Variants in RPS6KC1 observed in about 807,000 individuals in gnomAD.
RPS6KC1 encodes the protein inactive ribosomal protein S6 kinase delta-1.
Under a neutral mutation model 103.8 loss-of-function variants are expected in RPS6KC1, and 54 were observed. The ratio of observed to expected loss-of-function variants is 0.52; its 90% confidence interval spans 0.42 to 0.65. The LOEUF is 0.65. RPS6KC1 is among the 30% of genes least tolerant of loss of function. The probability of loss-of-function intolerance (pLI) is 0.00; values close to 1 mark genes in which losing one functional copy is unlikely to be tolerated. For synonymous variants in RPS6KC1, 439 were observed against 438.7 expected, an observed-to-expected ratio of 1.00 and a Z score of -0.01; for missense variants, 1,151 against 1,253.8, an observed-to-expected ratio of 0.92 and a Z score of 1.24.
the RPS6KC1 span, among the ~76,000 whole-genome samples, chr1:213,726,032 T>G: frequency 2.0e-5 from 3 of 152,220 alleles, no homozygotes; most frequent in South Asian, 2.1e-4. Flanking sequence ...TTCTACTCCA[T>G]TGACACAAAC....
the RPS6KC1 span, among the ~76,000 whole-genome samples, chr1:213,653,911 G>A: frequency 6.6e-6 from 1 of 152,214 alleles, no homozygotes; most frequent in Non-Finnish European, 1.5e-5. Context: ...GGGAAGTAAA[G>A]TTCAAAGGAT....
At chr1:213,599,468 G>A in the RPS6KC1 span, among the ~76,000 whole-genome samples, 3 of 150,750 alleles carry the variant, frequency 2.0e-5, no homozygotes, top group Admixed American at 6.6e-5. Flanking sequence ...CTGGTAGAAC[G>A]AGGGGGGGAA....
the RPS6KC1 span, among the ~76,000 whole-genome samples, chr1:213,602,973 G>A: frequency 6.6e-6 from 1 of 152,284 alleles, no homozygotes; most frequent in East Asian, 1.9e-4. Context: ...TGTGGTTTGT[G>A]GAGTCTGAGA....
the RPS6KC1 span, among the ~76,000 whole-genome samples, chr1:213,596,703 A>G: frequency 6.6e-6 from 1 of 152,228 alleles, no homozygotes; most frequent in Admixed American, 6.5e-5. Context: ...CTTTTGAAGA[A>G]TCCTAATACT....
the RPS6KC1 span, among the ~76,000 whole-genome samples, chr1:213,848,926 GA>G: frequency 6.6e-6 from 1 of 152,054 alleles, no homozygotes; most frequent in African/African-American, 2.4e-5. Flanking sequence ...AAGAGTGAGA[GA>G]AAAGGGAAAG....
chr1:213,364,623 G>A, the RPS6KC1 span, among the ~76,000 whole-genome samples: 1 of 152,060 alleles, frequency 6.6e-6, no homozygotes, highest in African/African-American at 2.4e-5. Context: ...GGGGTGCCCA[G>A]CTAGAAAAGA....
chr1:213,296,060 C>A, the RPS6KC1 span, among the ~76,000 whole-genome samples: 1 of 152,168 alleles, frequency 6.6e-6, no homozygotes, highest in Non-Finnish European at 1.5e-5. Flanking sequence ...TATTTGGAAT[C>A]TTTGAATCAT....
chr1:213,533,563 G>A, the RPS6KC1 span, among the ~76,000 whole-genome samples: 2 of 152,178 alleles, frequency 1.3e-5, no homozygotes, highest in African/African-American at 4.8e-5. Context: ...AGAACACACA[G>A]AACTCTCCCA....
At chr1:213,755,297 C>T in the RPS6KC1 span, among the ~76,000 whole-genome samples, 2 of 152,208 alleles carry the variant, frequency 1.3e-5, no homozygotes. Flanking sequence ...CAACTGAAGG[C>T]TCCATGTCTC....
the RPS6KC1 span, among the ~76,000 whole-genome samples, chr1:213,288,092 G>A: frequency 6.6e-6 from 1 of 152,184 alleles, no homozygotes; most frequent in Non-Finnish European, 1.5e-5. Context: ...GATCCTAATG[G>A]TTGGTGACAT....
intron 8 of RPS6KC1, among the ~76,000 whole-genome samples, chr1:213,210,460 A>G (rs2148664309): frequency 6.6e-6 from 1 of 152,318 alleles, no homozygotes; most frequent in Non-Finnish European, 1.5e-5. Context: ...ACAAACTGAA[A>G]ACCGTCCAAA....
At chr1:213,815,955 T>G in the RPS6KC1 span, among the ~76,000 whole-genome samples, 8 of 152,192 alleles carry the variant, frequency 5.3e-5, no homozygotes, top group Non-Finnish European at 1.2e-4. Flanking sequence ...TAGAAGCCAT[T>G]GTAGGGTTAT....
chr1:213,714,916 C>T, the RPS6KC1 span, among the ~76,000 whole-genome samples: 2 of 152,154 alleles, frequency 1.3e-5, no homozygotes, highest in Admixed American at 6.6e-5. Flanking sequence ...GGAGGGACGG[C>T]CATCAATCCC....
At chr1:213,357,478 C>T in the RPS6KC1 span, among the ~76,000 whole-genome samples, 6 of 152,168 alleles carry the variant, frequency 3.9e-5, no homozygotes, top group African/African-American at 1.2e-4. Context: ...AGATTAGAAT[C>T]GGAAAGCATC....
the RPS6KC1 span, among the ~76,000 whole-genome samples, chr1:213,642,594 GATT>G: frequency 6.6e-6 from 1 of 151,740 alleles, no homozygotes; most frequent in Non-Finnish European, 1.5e-5. Context: ...TCAAGCCTTT[GATT>G]ATTATCTATG....
the RPS6KC1 span, chr1:213,822,415 G>C: frequency 2.7e-5 from 4 of 148,812 alleles, no homozygotes; most frequent in African/African-American, 1.0e-4. Flanking sequence ...AGAAACATCT[G>C]ATGATCAATC....
the RPS6KC1 span, among the ~76,000 whole-genome samples, chr1:213,807,826 C>T: frequency 1.3e-5 from 2 of 152,218 alleles, no homozygotes; most frequent in Non-Finnish European, 2.9e-5. Context: ...TGAGGAACTG[C>T]GATCCTTTGG....
At chr1:213,110,804 C>G (rs1045261207) in intron 4 of RPS6KC1, among the ~76,000 whole-genome samples, 3 of 152,020 alleles carry the variant, frequency 2.0e-5, no homozygotes, top group African/African-American at 7.3e-5. Flanking sequence ...TTATGAAGAC[C>G]CCCTGTGGCT....
chr1:213,240,588 T>A (rs1457727265), intron 10 of RPS6KC1, 114 bp from the exon 11 acceptor site: 2 of 857,116 alleles, frequency 2.3e-6, no homozygotes, highest in Non-Finnish European at 3.7e-6. Flanking sequence ...TTAATGGATA[T>A]TATTGACTTG....
Sources: gnomAD v4.1 joint callset for allele counts (sites outside exome capture counted in the v4.1 genomes callset) on GRCh38, gnomAD v4.1.1 for gene constraint, MANE v1.5 for transcripts, NCBI Gene and HGNC (gene_info 2026-07-23, HGNC 2026-07-21) for gene names.